The following TMEM63B variants were observed in gnomAD, a reference collection of about 807,000 sequenced individuals.
TMEM63B encodes transmembrane protein 63B, also known as mechanosensitive cation channel TMEM63B.
Under a neutral mutation model 102.6 loss-of-function variants are expected in TMEM63B, and 23 were observed. That is an observed-to-expected ratio of 0.22 (90% CI 0.16 to 0.32). TMEM63B has a LOEUF of 0.32. Ranked by LOEUF, TMEM63B falls within the 10% of genes least tolerant of loss-of-function variation. The pLI, the probability that TMEM63B is intolerant of heterozygous loss-of-function variation, is 1.00. For synonymous variants in TMEM63B, 444 were observed against 437.0 expected (o/e 1.02, Z -0.20); for missense variants, 628 against 1,095.9 (o/e 0.57, Z 6.03).
Position 44,149,980 on chromosome 6 carries a change from C to A in TMEM63B, c.1520+15C>A. 1 of 1,607,086 alleles carries A rather than the reference C, an allele frequency of 6.2e-7. No individual in the cohort carries two copies. ...CACTGGACACGGTAAGGTGCCTCCA[C>A]TCACACCACACCTCGCTGTGGCCTG... is the stretch of plus-strand genomic sequence containing the variant. On this transcript the variant is annotated intron_variant, in intron 16 of 23. Coordinates refer to ENST00000323267, the MANE Select transcript of TMEM63B (RefSeq NM_018426.3).
chr6:44,147,371 C>T lies in TMEM63B; in HGVS notation c.864-6C>T. ...ATGTAGGTGACCAGGCATCTGGGTC[C>T]CACAGGAAGAAGGCCGAGCGGGGAA... On this transcript the variant is annotated splice_region_variant and splice_polypyrimidine_tract_variant and intron_variant, in intron 11 of 23. Transcript: ENST00000323267. 6.2e-7 allele frequency: 1 copy of T among 1,614,102 alleles called. No homozygotes were observed. Among genetic ancestry groups the T allele is most frequent in the Non-Finnish European group, 8.5e-7 (1 of 1,180,002 alleles).
Position 44,150,894 on chromosome 6 carries a change from G to T in TMEM63B, c.1673+265G>T, listed in dbSNP as rs1402192944. ...AGATCATCCTCAAGGTATATTTGGG[G>T]CTTGGGGCTCCACATTCTGGTAGTT... is the stretch of plus-strand genomic sequence containing the variant. On this transcript the variant is annotated intron_variant, in intron 18 of 23. Coordinates refer to ENST00000323267, the MANE Select transcript of TMEM63B (RefSeq NM_018426.3). The surrounding 1 kb of genome is among the most constrained non-coding windows in gnomAD (Gnocchi z 4.7). 1.3e-5 allele frequency among the ~76,000 whole-genome samples: 2 copies of T among 152,166 alleles called. No homozygotes were observed. Among genetic ancestry groups the T allele is most frequent in the African/African-American group, 2.4e-5 (1 of 41,422 alleles).
Position 44,154,376 on chromosome 6 carries a change from G to A in TMEM63B, c.2238G>A (p.Thr746=), listed in dbSNP as rs778067413. Residue 746 remains threonine, a synonymous_variant, in exon 23 of 24, where the codon ACG becomes ACA. Coordinates refer to ENST00000323267, the MANE Select transcript of TMEM63B (RefSeq NM_018426.3). The part of the protein sequence containing the change: ...LSAHNYKIEH[T]ETDTVDPRSN... Reference sequence around the variant, plus strand: ...CTGGGCCCCTCAAGATTGAGCACACGGAGACAGATACTGTGGACCCCAGAA... The same window carrying A: ...CTGGGCCCCTCAAGATTGAGCACACAGAGACAGATACTGTGGACCCCAGAA... The A allele has an allele frequency of 5.0e-6, 8 of 1,613,836 alleles. No individual in the cohort carries two copies. Among genetic ancestry groups the A allele is most frequent in the African/African-American group, 4.0e-5 (3 of 74,894 alleles).
intron 15 of TMEM63B, 60 bp downstream of exon 15, chr6:44,149,005 C>T: frequency 4.3e-6 from 7 of 1,612,306 alleles, no homozygotes; most frequent in Non-Finnish European, 5.9e-6. Context: ...ATACCAGGCC[C>T]TGATCCCTCT....
Position 44,134,484 on chromosome 6 carries a change from C to CCA in TMEM63B, c.-24-76_-24-75insAC. 3 of 1,475,356 alleles carry CCA rather than the reference C, an allele frequency of 2.0e-6. No homozygotes were observed. The South Asian group carries it at 3.9e-5, about 19-fold the overall frequency. The allele number at this position is 1,475,356 out of a possible 1,614,324, so 91.4% of individuals were successfully genotyped here. A position where few individuals can be genotyped will look rare whatever the true frequency, so the allele number is the denominator to read the frequency against. ...CAGCCTGGTGATCTGTCCTCACTGC[C>CCA]CCCTCCCCACGCCCACCCTACTGGG... is the stretch of plus-strand genomic sequence containing the variant. On this transcript the variant is annotated intron_variant, in intron 1 of 23. Coordinates refer to ENST00000323267, the MANE Select transcript of TMEM63B (RefSeq NM_018426.3).
At chr6:44,130,253 T>C (rs1275318365) in intron 1 of TMEM63B, among the ~76,000 whole-genome samples, 2 of 152,196 alleles carry the variant, frequency 1.3e-5, no homozygotes, top group African/African-American at 4.8e-5. Context: ...TACCACAGAC[T>C]GGCTGTGTGA....
intron 10 of TMEM63B, among the ~76,000 whole-genome samples, chr6:44,145,612 A>C (rs1231142379): frequency 6.7e-6 from 1 of 149,140 alleles, no homozygotes; most frequent in Non-Finnish European, 1.5e-5. Context: ...CAAAACAAAA[A>C]CAAAAACAAA....
chr6:44,127,152 T>TCCCCGCCGGGACC (rs1777194800), upstream of TMEM63B: 1 of 108,806 alleles, frequency 9.2e-6, no homozygotes, highest in Non-Finnish European at 2.2e-5. Flanking sequence ...GTAAGGGGCC[T>TCCCCGCCGGGACC]CCCCTCCCCG....
chr6:44,144,867 G>T (rs987139771), intron 10 of TMEM63B, among the ~76,000 whole-genome samples: 1 of 151,540 alleles, frequency 6.6e-6, no homozygotes, highest in African/African-American at 2.4e-5. Flanking sequence ...CAAAGTTTTG[G>T]GATTACAGGC....
chr6:44,142,401 G>A lies in TMEM63B; in HGVS notation c.782+1303G>A, dbSNP rs374950936. 5.9e-5 allele frequency among the ~76,000 whole-genome samples: 9 copies of A among 151,888 alleles called. No individual in the cohort carries two copies. The East Asian group carries it at 7.8e-4, about 13-fold the overall frequency. On this transcript the variant is annotated intron_variant, in intron 10 of 23. Transcript: ENST00000323267. ...AAAAATTAGCCAGGCATGGTGGCGCGTACCAGTAGTCTCAGCTACTCAGGA... is the reference window on the plus strand; with the variant it reads ...AAAAATTAGCCAGGCATGGTGGCGCATACCAGTAGTCTCAGCTACTCAGGA...
chr6:44,149,168 G>A, intron 15 of TMEM63B: 1 of 613,688 alleles, frequency 1.6e-6, no homozygotes, highest in Non-Finnish European at 2.9e-6. Flanking sequence ...GAAACACCCA[G>A]GGAAGAGAGA....
chr6:44,150,593 A>T lies in TMEM63B; in HGVS notation c.1637A>T (p.Asp546Val). Reference protein sequence around the residue: ...SLDLFFRWLFDKKFLAEAAIR... With the variant: ...SLDLFFRWLFVKKFLAEAAIR... ...GACCTCTTCTTCCGCTGGCTCTTTG[A>T]TAAGAAATTCTTGGCTGAGGCAGCT... The change falls in exon 18 of 24, where the codon GAT becomes GTT. Residue 546 changes from aspartate to valine, a missense_variant. Physicochemically the swap from Asp to Val is radical, Grantham distance 152 (BLOSUM62 -3). Around this residue, in one of 6 missense-constraint regions of TMEM63B, gnomAD observed 61 missense variants for 176.0 expected, o/e 0.35. Coordinates refer to ENST00000323267, the MANE Select transcript of TMEM63B (RefSeq NM_018426.3). The surrounding 1 kb of genome is among the most constrained non-coding windows in gnomAD (Gnocchi z 4.7). 1 of 1,614,060 alleles carries T rather than the reference A, an allele frequency of 6.2e-7. No individual in the cohort carries two copies. Among genetic ancestry groups the T allele is most frequent in the Non-Finnish European group, 8.5e-7 (1 of 1,179,998 alleles).
chr6:44,144,584 T>A (rs1764960704), intron 10 of TMEM63B, among the ~76,000 whole-genome samples: 3 of 145,434 alleles, frequency 2.1e-5, no homozygotes, highest in Non-Finnish European at 4.6e-5. Context: ...GTCCTTCATT[T>A]AAAAAAAAAA....
chr6:44,146,464 T>G (rs1289372453), intron 10 of TMEM63B, among the ~76,000 whole-genome samples: 1 of 151,626 alleles, frequency 6.6e-6, no homozygotes, highest in Non-Finnish European at 1.5e-5. Flanking sequence ...TTTGTCTTTT[T>G]TTTTGAGATG....
rs1323381503 is a variant in TMEM63B at position 44,149,942 on chromosome 6, C to T, written c.1497C>T (p.Ala499=). The change falls in exon 16 of 24, where the codon GCC becomes GCT. Residue 499 remains alanine, a synonymous_variant. Coordinates refer to ENST00000323267, the MANE Select transcript of TMEM63B (RefSeq NM_018426.3). ...ALLPTIVYYS[A]FFEAHWTRSG... ...TTCCCACCATCGTCTACTACTCAGC[C>T]TTCTTTGAAGCCCACTGGACACGGT... The T allele has an allele frequency of 6.2e-7, 1 of 1,613,544 alleles. No individual in the cohort carries two copies. The highest frequency in any genetic ancestry group is 8.5e-7 in the Non-Finnish European group (1 of 1,179,850).
intron 5 of TMEM63B, among the ~76,000 whole-genome samples, chr6:44,138,102 TCTC>T (rs1763368023): frequency 6.6e-6 from 1 of 152,150 alleles, no homozygotes; most frequent in African/African-American, 2.4e-5. Context: ...AAGGCCCTCT[TCTC>T]TGCTTTTGGC....
intron 4 of TMEM63B, among the ~76,000 whole-genome samples, chr6:44,135,902 G>A (rs907367945): frequency 5.3e-5 from 8 of 152,064 alleles, no homozygotes; most frequent in African/African-American, 1.9e-4. Context: ...GGGAGCGGAG[G>A]GTAGGGTCCC....
chr6:44,140,247 C>T lies in TMEM63B; in HGVS notation c.603-5C>T. On this transcript the variant is annotated splice_polypyrimidine_tract_variant and splice_region_variant and intron_variant, in intron 8 of 23. Transcript: ENST00000323267. ...GCTCCCATGTATCCTCTCTGCTTCT[C>T]CCAGGAACAACCTGCTATGGCTGCA... 6.2e-7 allele frequency: 1 copy of T among 1,613,200 alleles called. No homozygotes were observed. Among genetic ancestry groups the T allele is most frequent in the Non-Finnish European group, 8.5e-7 (1 of 1,179,304 alleles).
At chr6:44,130,586 T>C (rs1356431471) in intron 1 of TMEM63B, among the ~76,000 whole-genome samples, 1 of 149,820 alleles carries the variant, frequency 6.7e-6, no homozygotes, top group Non-Finnish European at 1.5e-5. Flanking sequence ...ACTACAGACA[T>C]GCACCAGCAT....
Sources: gnomAD v4.1 joint callset for allele counts (sites outside exome capture counted in the v4.1 genomes callset) on GRCh38, gnomAD v4.1.1 for gene constraint, gnomAD v4.1.1 regional missense constraint, Gnocchi (gnomAD v3.1) non-coding constraint, MANE v1.5 for transcripts, NCBI Gene and HGNC (gene_info 2026-07-23, HGNC 2026-07-21) for gene names.